The following LHFPL3 variants were observed in gnomAD, a reference collection of about 807,000 sequenced individuals.
LHFPL3 encodes LHFPL tetraspan subfamily member 3.
A neutral mutation model predicts 19.3 loss-of-function variants in LHFPL3; 5 were observed. That is an observed-to-expected ratio of 0.26 (90% CI 0.14 to 0.54). The LOEUF is 0.54. LHFPL3 is among the 20% of genes least tolerant of loss of function. The pLI, the probability that LHFPL3 is intolerant of heterozygous loss-of-function variation, is 0.94. For missense variants in LHFPL3, 249 were observed against 307.4 expected, an observed-to-expected ratio of 0.81 and a Z score of 1.42; for synonymous variants, 133 against 126.2, an observed-to-expected ratio of 1.05 and a Z score of -0.36.
At chr7:104,479,963 T>C (rs1408136488) in intron 1 of LHFPL3, among the ~76,000 whole-genome samples, 1 of 152,240 alleles carries the variant, frequency 6.6e-6, no homozygotes, top group African/African-American at 2.4e-5. Flanking sequence ...TAGGTTTTAT[T>C]ATTTTCATGT....
At chr7:104,629,119 G>A (rs886203132) in intron 1 of LHFPL3, among the ~76,000 whole-genome samples, 1 of 152,038 alleles carries the variant, frequency 6.6e-6, no homozygotes, top group African/African-American at 2.4e-5. Context: ...AATATCTTAT[G>A]TGTGTTACCA....
chr7:104,462,915 A>G (rs1181399121), intron 1 of LHFPL3, among the ~76,000 whole-genome samples: 1 of 151,958 alleles, frequency 6.6e-6, no homozygotes, highest in Non-Finnish European at 1.5e-5. Context: ...ATTCAATTTC[A>G]GAGCTCATTA....
At chr7:104,423,351 A>T (rs1483670671) in intron 1 of LHFPL3, among the ~76,000 whole-genome samples, 13 of 152,070 alleles carry the variant, frequency 8.5e-5, no homozygotes, top group Non-Finnish European at 1.9e-4. Flanking sequence ...GGTTGCTCAC[A>T]CCTGTAATCC....
chr7:104,832,091 A>T (rs1309239040), intron 2 of LHFPL3, among the ~76,000 whole-genome samples: 1 of 151,976 alleles, frequency 6.6e-6, no homozygotes, highest in Admixed American at 6.6e-5. Flanking sequence ...AAACTTTAAA[A>T]TGAATTGAAA....
At chr7:104,726,394 C>T (rs1174418478) in intron 1 of LHFPL3, among the ~76,000 whole-genome samples, 4 of 151,730 alleles carry the variant, frequency 2.6e-5, no homozygotes, top group Non-Finnish European at 5.9e-5. Flanking sequence ...CCTAAGTGAA[C>T]CTGTACCATG....
intron 2 of LHFPL3, among the ~76,000 whole-genome samples, chr7:104,831,065 T>C (rs1790945039): frequency 1.3e-5 from 2 of 151,968 alleles, no homozygotes; most frequent in Admixed American, 1.3e-4. Flanking sequence ...AATAAAAAAT[T>C]ATTCTTTTGA....
intron 1 of LHFPL3, among the ~76,000 whole-genome samples, chr7:104,652,058 C>T (rs950723730): frequency 1.3e-5 from 2 of 152,138 alleles, no homozygotes; most frequent in Non-Finnish European, 2.9e-5. Flanking sequence ...AGTTTGCAAG[C>T]TTGGCAACTA....
intron 1 of LHFPL3, among the ~76,000 whole-genome samples, chr7:104,470,828 C>T (rs563567366): frequency 1.3e-4 from 20 of 152,156 alleles, no homozygotes; most frequent in Non-Finnish European, 2.9e-4. Flanking sequence ...CTGGCTTTTC[C>T]ATCTCTTCCC....
intron 1 of LHFPL3, among the ~76,000 whole-genome samples, chr7:104,474,687 CAAAAAAAAAA>C (rs928431129): frequency 4.9e-5 from 2 of 41,050 alleles, no homozygotes; most frequent in African/African-American, 1.5e-4. Context: ...ACAACAACAA[CAAAAAAAAAA>C]AAAAAAAAAA....
chr7:104,850,266 C>G (rs1168686460), intron 2 of LHFPL3, among the ~76,000 whole-genome samples: 7 of 152,228 alleles, frequency 4.6e-5, no homozygotes, highest in Non-Finnish European at 1.5e-5. Context: ...CACACCATTG[C>G]ACTCCAGCCT....
intron 2 of LHFPL3, among the ~76,000 whole-genome samples, chr7:104,778,527 C>G (rs1584529323): frequency 1.3e-5 from 2 of 152,324 alleles, no homozygotes; most frequent in African/African-American, 4.8e-5. Context: ...ACCCTTCACT[C>G]TGTGTTTCTC....
At chr7:104,812,617 T>C (rs935099899) in intron 2 of LHFPL3, among the ~76,000 whole-genome samples, 5 of 150,878 alleles carry the variant, frequency 3.3e-5, no homozygotes, top group African/African-American at 4.9e-5. Flanking sequence ...CTGGCCAACA[T>C]AGAGAGACCC....
At chr7:104,493,564 T>C (rs1481767928) in intron 1 of LHFPL3, among the ~76,000 whole-genome samples, 1 of 152,128 alleles carries the variant, frequency 6.6e-6, no homozygotes. Context: ...TGTCAGCCTC[T>C]CCTGCTATAT....
chr7:104,662,692 G>A (rs372333933), intron 1 of LHFPL3, among the ~76,000 whole-genome samples: 4 of 152,148 alleles, frequency 2.6e-5, no homozygotes, highest in South Asian at 2.1e-4. Flanking sequence ...GGGTAAATGC[G>A]GGTTTGGAGG....
At chr7:104,430,438 A>ATATATATATACATATATATATATATATG (rs1791969967) in intron 1 of LHFPL3, among the ~76,000 whole-genome samples, 3 of 15,092 alleles carry the variant, frequency 2.0e-4, no homozygotes, top group African/African-American at 6.4e-4. Flanking sequence ...ATATATATAT[A>ATATATATATACATATATATATATATATG]TATATATATA....
intron 1 of LHFPL3, among the ~76,000 whole-genome samples, chr7:104,611,767 G>A (rs1791217713): frequency 6.6e-6 from 1 of 152,168 alleles, no homozygotes; most frequent in Admixed American, 6.6e-5. Flanking sequence ...AAGTTTCTAT[G>A]TAGGGACAAT....
At chr7:104,668,681 T>C in intron 1 of LHFPL3, 2 of 1,610,328 alleles carry the variant, frequency 1.2e-6, no homozygotes, top group Non-Finnish European at 1.7e-6. Flanking sequence ...CCAGAGATGA[T>C]TACTCTCGGG....
intron 1 of LHFPL3, among the ~76,000 whole-genome samples, chr7:104,545,018 C>T (rs534977175): frequency 1.4e-4 from 21 of 152,150 alleles, no homozygotes; most frequent in Non-Finnish European, 2.9e-4. Context: ...GGTACTTGCA[C>T]ATCTCGTCTT....
chr7:104,851,523 T>A (rs1324860201), intron 2 of LHFPL3, among the ~76,000 whole-genome samples: 2 of 152,128 alleles, frequency 1.3e-5, no homozygotes, highest in African/African-American at 4.8e-5. Flanking sequence ...AGGTTATGAG[T>A]ATACTTGGCT....
Sources: gnomAD v4.1 joint callset for allele counts (sites outside exome capture counted in the v4.1 genomes callset) on GRCh38, gnomAD v4.1.1 for gene constraint, MANE v1.5 for transcripts, NCBI Gene and HGNC (gene_info 2026-07-23, HGNC 2026-07-21) for gene names.